Variants in PCDHGA8 observed in about 807,000 individuals in gnomAD.
The protein encoded by PCDHGA8 is protocadherin gamma subfamily A, 8, also known as protocadherin gamma-A8.
PCDHGA8 carries 45 observed loss-of-function variants against 59.2 expected under a neutral mutation model. That is an observed-to-expected ratio of 0.76 (90% CI 0.60 to 0.98). The LOEUF is 0.98. Among genes scored for constraint, PCDHGA8 ranks in the 50% least tolerant of loss-of-function variants. The pLI is 0.00. For synonymous variants in PCDHGA8, 531 were observed against 519.0 expected, an observed-to-expected ratio of 1.02 and a Z score of -0.32; for missense variants, 1,257 against 1,196.2, an observed-to-expected ratio of 1.05 and a Z score of -0.75.
In PCDHGA8 at chr5:141,412,148, C is replaced by T. The variant is rs183538712; in HGVS notation, c.2424+16911C>T. ...GGACTTTGGCCTCTGATACAAACTG[C>T]CTAAGAGAAGAGATTATTTATACTG... On this transcript the variant is annotated intron_variant, in intron 1 of 3. Coordinates refer to ENST00000398604, the MANE Select transcript of PCDHGA8 (RefSeq NM_032088.2). The T allele has an allele frequency of 3.1e-4, 47 of 152,220 alleles. 2 individuals carry two copies. The highest frequency in any genetic ancestry group is 1.1e-3 in the African/African-American group (45 of 41,552). The allele number at this position is 152,220 out of a possible 1,614,324, so 9.4% of individuals were successfully genotyped here.
chr5:141,426,104 A>T (rs2096915289), intron 1 of PCDHGA8, among the ~76,000 whole-genome samples: 1 of 152,258 alleles, frequency 6.6e-6, no homozygotes, highest in Non-Finnish European at 1.5e-5. Flanking sequence ...GTTCAGTCAC[A>T]GAAGCAAGTC....
chr5:141,409,416 T>G (rs770750853), intron 1 of PCDHGA8: 1 of 1,613,964 alleles, frequency 6.2e-7, no homozygotes, highest in South Asian at 1.1e-5. Flanking sequence ...TACAAACTGG[T>G]GACAGATGGA....
At chr5:141,501,366 T>G (rs1297210978) in intron 2 of PCDHGA8, among the ~76,000 whole-genome samples, 1 of 150,672 alleles carries the variant, frequency 6.6e-6, no homozygotes, top group Non-Finnish European at 1.5e-5. Flanking sequence ...ACCATATTCA[T>G]CATCTCTTAA....
At chr5:141,400,404 GT>G (rs2094016313) in intron 1 of PCDHGA8, 1 of 1,613,948 alleles carries the variant, frequency 6.2e-7, no homozygotes, top group South Asian at 1.1e-5. Flanking sequence ...GAAAGACGGA[GT>G]TTAATTTCCT....
intron 2 of PCDHGA8, among the ~76,000 whole-genome samples, chr5:141,504,354 G>C (rs1349256606): frequency 6.6e-6 from 1 of 152,100 alleles, no homozygotes; most frequent in Non-Finnish European, 1.5e-5. Flanking sequence ...TGTGCTAGGT[G>C]CTTCAGTAGG....
chr5:141,443,974 G>A (rs775899117), intron 1 of PCDHGA8, among the ~76,000 whole-genome samples: 5 of 152,066 alleles, frequency 3.3e-5, no homozygotes, highest in Non-Finnish European at 7.4e-5. Context: ...GTCCATCTAA[G>A]CTATGTTAAT....
At chr5:141,430,557 G>C (rs1161595629) in intron 1 of PCDHGA8, 5 of 412,906 alleles carry the variant, frequency 1.2e-5, no homozygotes, top group Non-Finnish European at 1.7e-5. Context: ...TTCACCAATC[G>C]GGGAGAGAAA....
rs1207407733 is a variant in PCDHGA8 at position 141,393,771 on chromosome 5, C to G, written c.958C>G (p.Gln320Glu). Residue 320 changes from glutamine (Q) to glutamate (E), a missense_variant, in exon 1 of 4, where the codon CAA becomes GAA. By Grantham distance (29) the Gln-to-Glu change is conservative. Coordinates refer to ENST00000398604, the MANE Select transcript of PCDHGA8 (RefSeq NM_032088.2). ...ATGTTCATTTTATGAAATGGAAATA[C>G]AAGCCGAAGATGTGGGGGCACTTCT... ...EECSFYEMEI[Q>E]AEDVGALLGR... 4 of 1,613,874 alleles carry G rather than the reference C, an allele frequency of 2.5e-6. No homozygotes were observed. The highest frequency in any genetic ancestry group is 3.4e-6 in the Non-Finnish European group (4 of 1,179,876).
At chr5:141,452,281 T>C (rs948141174) in intron 1 of PCDHGA8, among the ~76,000 whole-genome samples, 1 of 152,232 alleles carries the variant, frequency 6.6e-6, no homozygotes, top group African/African-American at 2.4e-5. Flanking sequence ...CCTTTCTTAC[T>C]TTCTGATATA....
At chr5:141,444,783 C>A (rs551686741) in intron 1 of PCDHGA8, among the ~76,000 whole-genome samples, 2 of 152,100 alleles carry the variant, frequency 1.3e-5, no homozygotes, top group Non-Finnish European at 2.9e-5. Context: ...GATCATGTTT[C>A]ATTTGTCTAT....
chr5:141,398,732 G>A (rs747131946), intron 1 of PCDHGA8: 4 of 1,613,778 alleles, frequency 2.5e-6, no homozygotes, highest in Admixed American at 1.7e-5. Flanking sequence ...ACCTTAGACC[G>A]GGAACAACAG....
chr5:141,404,995 T>A (rs1561697585), intron 1 of PCDHGA8: 1 of 1,614,008 alleles, frequency 6.2e-7, no homozygotes, highest in Non-Finnish European at 8.5e-7. Context: ...TTCAGATCCC[T>A]GCAGACCTGG....
intron 2 of PCDHGA8, among the ~76,000 whole-genome samples, chr5:141,503,984 C>T (rs967348519): frequency 2.0e-5 from 3 of 152,184 alleles, no homozygotes; most frequent in African/African-American, 7.2e-5. Context: ...AACCCTTCTT[C>T]TTACCTTACA....
intron 1 of PCDHGA8, chr5:141,405,417 TTTTTG>T (rs767701229): frequency 7.0e-6 from 11 of 1,563,080 alleles, no homozygotes; most frequent in Non-Finnish European, 8.7e-6. Flanking sequence ...CTTTTTTTGT[TTTTTG>T]TTTTGTTTTG....
In PCDHGA8 at chr5:141,485,990, C is replaced by T. The variant is rs1285988124; in HGVS notation, c.2425-8817C>T. 2.5e-6 allele frequency: 4 copies of T among 1,614,168 alleles called. No homozygotes were observed. The stretch of plus-strand genomic sequence containing the variant: ...CAATGCCTCAGACCCGGACCTGGGT[C>T]CCAGTGGTAACGTCACCTTTTATTT... On this transcript the variant is annotated intron_variant, in intron 1 of 3. Coordinates refer to ENST00000398604, the MANE Select transcript of PCDHGA8 (RefSeq NM_032088.2). This position sits in a 1 kb window ranked among gnomAD's most constrained non-coding sequence, Gnocchi z 5.7.
intron 1 of PCDHGA8, chr5:141,423,241 G>C: frequency 6.2e-7 from 1 of 1,613,954 alleles, no homozygotes; most frequent in Non-Finnish European, 8.5e-7. Context: ...CATCCCCGAA[G>C]TCCTGGCGGA....
rs2092926485 is a variant in PCDHGA8, at chr5:141,394,140, G to T, written c.1327G>T (p.Ala443Ser). The T allele has an allele frequency of 6.2e-7, 1 of 1,613,868 alleles. No individual in the cohort carries two copies. The highest frequency in any genetic ancestry group is 8.5e-7 in the Non-Finnish European group (1 of 1,179,838). ...TGAAACTCAAATCGCTCTGCACGTGGCAGACATTAACGACAACCCTCCTAC... is the reference window on the plus strand; with the variant it reads ...TGAAACTCAAATCGCTCTGCACGTGTCAGACATTAACGACAACCCTCCTAC... ...STETQIALHVADINDNPPTFP... is the reference protein window; with the variant it reads ...STETQIALHVSDINDNPPTFP... Residue 443 changes from alanine to serine, a missense_variant, in exon 1 of 4, where the codon GCA (alanine) becomes TCA (serine). Ala to Ser is a moderately conservative substitution (Grantham distance 99). Transcript: ENST00000398604.
intron 1 of PCDHGA8, chr5:141,419,113 C>A: frequency 6.2e-7 from 1 of 1,613,872 alleles, no homozygotes; most frequent in Non-Finnish European, 8.5e-7. Flanking sequence ...CCCCAGAGTA[C>A]AACGTCACCA....
chr5:141,436,859 A>G (rs550974791), intron 1 of PCDHGA8, among the ~76,000 whole-genome samples: 7 of 152,250 alleles, frequency 4.6e-5, no homozygotes, highest in Non-Finnish European at 1.0e-4. Flanking sequence ...TTGAGAAGCC[A>G]CAGTTTTAGG....
Sources: gnomAD v4.1 joint callset for allele counts (sites outside exome capture counted in the v4.1 genomes callset) on GRCh38, gnomAD v4.1.1 for gene constraint, Gnocchi (gnomAD v3.1) non-coding constraint, MANE v1.5 for transcripts, NCBI Gene and HGNC (gene_info 2026-07-23, HGNC 2026-07-21) for gene names.